Variants in CDH12 observed in about 807,000 individuals in gnomAD.
CDH12 encodes cadherin 12, also known as cadherin-12.
A neutral mutation model predicts 74.1 loss-of-function variants in CDH12; 41 were observed. The ratio of observed to expected loss-of-function variants is 0.55; its 90% confidence interval spans 0.43 to 0.72. The LOEUF (loss-of-function observed/expected upper bound fraction) is 0.72. CDH12 is among the 30% of genes least tolerant of loss of function. The probability of loss-of-function intolerance (pLI) is 0.00; values close to 1 mark genes in which losing one functional copy is unlikely to be tolerated. For missense variants in CDH12, 945 were observed against 977.2 expected, an observed-to-expected ratio of 0.97 and a Z score of 0.44; for synonymous variants, 399 against 355.0, an observed-to-expected ratio of 1.12 and a Z score of -1.39.
At chr5:22,196,917 A>G (rs1054336418) in intron 4 of CDH12, among the ~76,000 whole-genome samples, 14 of 152,206 alleles carry the variant, frequency 9.2e-5, no homozygotes, top group Non-Finnish European at 1.8e-4. Flanking sequence ...TTAATCCTCA[A>G]TCAGACAAAA....
chr5:22,423,034 G>A (rs1283891274), intron 2 of CDH12, among the ~76,000 whole-genome samples: 3 of 151,924 alleles, frequency 2.0e-5, no homozygotes, highest in Non-Finnish European at 1.5e-5. Context: ...AAATACTAGA[G>A]GGTTGAAATT....
At chr5:22,464,517 C>T (rs146223722) in intron 2 of CDH12, among the ~76,000 whole-genome samples, 37 of 152,224 alleles carry the variant, frequency 2.4e-4, no homozygotes, top group South Asian at 6.2e-4. Context: ...TTTCCTTTAA[C>T]GGGATCTGAT....
intron 5 of CDH12, among the ~76,000 whole-genome samples, chr5:22,032,781 G>A (rs888516835): frequency 6.4e-5 from 8 of 125,300 alleles, no homozygotes; most frequent in Non-Finnish European, 1.1e-4. Flanking sequence ...TATTATATAT[G>A]CATACATATT....
At chr5:21,776,564 G>A (rs936234023) in intron 11 of CDH12, among the ~76,000 whole-genome samples, 2 of 152,006 alleles carry the variant, frequency 1.3e-5, no homozygotes, top group East Asian at 1.9e-4. Flanking sequence ...ATCCACTTCC[G>A]ATTACCAGTA....
At chr5:22,426,015 C>T (rs927819492) in intron 2 of CDH12, among the ~76,000 whole-genome samples, 2 of 151,778 alleles carry the variant, frequency 1.3e-5, no homozygotes, top group Non-Finnish European at 2.9e-5. Flanking sequence ...GATGAAACCC[C>T]GTATCTACTA....
At chr5:21,906,915 T>A (rs1284634676) in intron 6 of CDH12, among the ~76,000 whole-genome samples, 2 of 152,162 alleles carry the variant, frequency 1.3e-5, no homozygotes, top group Non-Finnish European at 2.9e-5. Context: ...GGCCTCAGAA[T>A]ATCCTCCCTC....
intron 6 of CDH12, among the ~76,000 whole-genome samples, chr5:21,915,099 T>C (rs947865206): frequency 6.6e-6 from 1 of 152,136 alleles, no homozygotes; most frequent in African/African-American, 2.4e-5. Flanking sequence ...AGTTATTGTT[T>C]TTCCTAAAAG....
intron 11 of CDH12, 76 bp downstream of exon 11, chr5:21,783,282 T>G: frequency 7.6e-7 from 1 of 1,309,422 alleles, no homozygotes; most frequent in East Asian, 2.4e-5. Context: ...GAAAAACATC[T>G]CAGCAGGGAC....
intron 1 of CDH12, among the ~76,000 whole-genome samples, chr5:22,817,639 A>G (rs750196145): frequency 1.3e-5 from 2 of 152,142 alleles, no homozygotes; most frequent in Non-Finnish European, 2.9e-5. Context: ...AATCTATCCA[A>G]TCTTGACTTT....
chr5:22,136,212 G>C (rs1332270063), intron 4 of CDH12, among the ~76,000 whole-genome samples: 1 of 151,946 alleles, frequency 6.6e-6, no homozygotes, highest in East Asian at 1.9e-4. Context: ...GTAAATGCAG[G>C]CTCAACCAGA....
chr5:22,395,604 T>C (rs760831968), intron 3 of CDH12, among the ~76,000 whole-genome samples: 3 of 152,054 alleles, frequency 2.0e-5, no homozygotes, highest in Admixed American at 1.3e-4. Context: ...TGGGAATTAA[T>C]TTTTTTCTTT....
At chr5:21,851,888 A>G (rs1231745212) in intron 7 of CDH12, among the ~76,000 whole-genome samples, 4 of 151,348 alleles carry the variant, frequency 2.6e-5, no homozygotes, top group Non-Finnish European at 4.4e-5. Flanking sequence ...TGATCTCTGT[A>G]TCTCTTCATA....
At chr5:22,077,468 T>C (rs1035584790) in intron 5 of CDH12, among the ~76,000 whole-genome samples, 5 of 152,166 alleles carry the variant, frequency 3.3e-5, no homozygotes, top group Admixed American at 6.6e-5. Context: ...TGATCTTCTA[T>C]AACCATTTCC....
intron 6 of CDH12, among the ~76,000 whole-genome samples, chr5:21,958,599 A>G (rs1244342716): frequency 6.6e-6 from 1 of 152,016 alleles, no homozygotes; most frequent in East Asian, 1.9e-4. Context: ...TGATCAGATA[A>G]TCATAGCTGT....
chr5:22,057,299 G>A (rs914670467), intron 5 of CDH12, among the ~76,000 whole-genome samples: 2 of 152,126 alleles, frequency 1.3e-5, no homozygotes, highest in African/African-American at 4.8e-5. Context: ...ATCTAAAGTT[G>A]TATTTGAAAG....
intron 1 of CDH12, among the ~76,000 whole-genome samples, chr5:22,777,476 T>A (rs992784447): frequency 9.2e-5 from 14 of 152,124 alleles, no homozygotes; most frequent in African/African-American, 3.1e-4. Flanking sequence ...ATAATAACAT[T>A]ATTATTATTA....
intron 1 of CDH12, among the ~76,000 whole-genome samples, chr5:22,592,654 C>T (rs1162729042): frequency 6.6e-6 from 1 of 151,910 alleles, no homozygotes; most frequent in Non-Finnish European, 1.5e-5. Context: ...TTTATTGCTT[C>T]ATTTTTAAAC....
chr5:22,282,655 G>T (rs1580478683), intron 3 of CDH12, among the ~76,000 whole-genome samples: 1 of 152,238 alleles, frequency 6.6e-6, no homozygotes, highest in African/African-American at 2.4e-5. Flanking sequence ...CATCATCACT[G>T]ATCATTAGAG....
At chr5:22,822,912 T>G (rs555276066) in intron 1 of CDH12, among the ~76,000 whole-genome samples, 1 of 152,154 alleles carries the variant, frequency 6.6e-6, no homozygotes, top group African/African-American at 2.4e-5. Context: ...TAAATCATGC[T>G]GCTATAAAGA....
Sources: gnomAD v4.1 joint callset for allele counts (sites outside exome capture counted in the v4.1 genomes callset) on GRCh38, gnomAD v4.1.1 for gene constraint, MANE v1.5 for transcripts, NCBI Gene and HGNC (gene_info 2026-07-23, HGNC 2026-07-21) for gene names.